Variants in COBL observed in about 807,000 individuals in gnomAD.
The protein encoded by COBL is protein cordon-bleu.
In COBL, 51 loss-of-function variants were observed where a neutral mutation model predicts 98.8. That is an observed-to-expected ratio of 0.52 (90% CI 0.41 to 0.65). The LOEUF (loss-of-function observed/expected upper bound fraction) is 0.65. Among genes scored for constraint, COBL ranks in the 30% least tolerant of loss-of-function variants. The pLI is 0.00. For missense variants in COBL, 1,617 were observed against 1,617.5 expected, an observed-to-expected ratio of 1.00 and a Z score of 0.01; for synonymous variants, 634 against 651.7, an observed-to-expected ratio of 0.97 and a Z score of 0.41.
At position 51,042,213 on chromosome 7, in the gene COBL, A is replaced by G. The variant is rs1245091032; in HGVS notation, c.1406+1170T>C. 2.0e-5 allele frequency among the ~76,000 whole-genome samples: 3 copies of G among 152,206 alleles called. No individual in the cohort carries two copies. In the East Asian group the frequency reaches 5.8e-4, roughly 29 times the overall value. The stretch of plus-strand genomic sequence containing the variant: ...ACATCTGAGAGAAAAAGGAAAAATT[A>G]AATAATATTAGAATGTAAAGACAAT... On this transcript the variant is annotated intron_variant, in intron 8 of 12. Coordinates refer to ENST00000265136, the MANE Select transcript of COBL (RefSeq NM_015198.5).
chr7:51,078,085 C>T (rs1793260641), intron 7 of COBL, among the ~76,000 whole-genome samples: 1 of 152,164 alleles, frequency 6.6e-6, no homozygotes. Context: ...AACAGAACTC[C>T]AGTATTGACC....
At chr7:51,225,957 A>G (rs1794138845) in intron 1 of COBL, among the ~76,000 whole-genome samples, 1 of 152,184 alleles carries the variant, frequency 6.6e-6, no homozygotes, top group African/African-American at 2.4e-5. Flanking sequence ...GTAGACAGGG[A>G]CTGCATGCTG....
intron 1 of COBL, among the ~76,000 whole-genome samples, chr7:51,265,262 C>G (rs549016921): frequency 6.6e-6 from 1 of 152,170 alleles, no homozygotes; most frequent in African/African-American, 2.4e-5. Context: ...TTTTAAAGAC[C>G]TGGGAAAGCA....
At chr7:51,258,841 TAC>T (rs1431439836) in intron 1 of COBL, among the ~76,000 whole-genome samples, 2 of 152,174 alleles carry the variant, frequency 1.3e-5, no homozygotes, top group African/African-American at 4.8e-5. Context: ...ACCACAGCAA[TAC>T]AGTTTTTAGT....
intron 1 of COBL, chr7:51,316,389 AC>A (rs1398492854): frequency 1.7e-5 from 6 of 347,904 alleles, no homozygotes; most frequent in Non-Finnish European, 3.0e-5. Context: ...CTGGGCAACG[AC>A]CCGGGTGCCC....
At chr7:51,144,504 G>C (rs2129014919) in intron 5 of COBL, among the ~76,000 whole-genome samples, 1 of 152,272 alleles carries the variant, frequency 6.6e-6, no homozygotes, top group South Asian at 2.1e-4. Context: ...TCAAGCATTG[G>C]CTGTTTTCCT....
chr7:51,303,404 A>G (rs1271236568), intron 1 of COBL, among the ~76,000 whole-genome samples: 1 of 152,096 alleles, frequency 6.6e-6, no homozygotes, highest in Non-Finnish European at 1.5e-5. Flanking sequence ...ATACAAAACC[A>G]GCAATCCGGT....
chr7:51,079,805 C>T lies in COBL; in HGVS notation c.1096+5361G>A, dbSNP rs143904574. On this transcript the variant is annotated intron_variant, in intron 7 of 12. Coordinates refer to ENST00000265136, the MANE Select transcript of COBL (RefSeq NM_015198.5). ...GTGGCCTCTTAGAGCCACATACACC[C>T]GGGGAAGGTGGTTGCTCCACCTCTT... 5.5e-3 allele frequency among the ~76,000 whole-genome samples: 844 copies of T among 152,306 alleles called. 4 individuals carry two copies. Among genetic ancestry groups the T allele is most frequent in the African/African-American group, 0.015 (606 of 41,574 alleles).
intron 6 of COBL, among the ~76,000 whole-genome samples, chr7:51,116,684 A>G (rs934629104): frequency 1.3e-5 from 2 of 152,084 alleles, no homozygotes; most frequent in Non-Finnish European, 2.9e-5. Flanking sequence ...TAAGAGTCCA[A>G]GTTTCCATCT....
chr7:51,061,483 T>C (rs1365431788), intron 7 of COBL, among the ~76,000 whole-genome samples: 3 of 152,076 alleles, frequency 2.0e-5, no homozygotes, highest in East Asian at 1.9e-4. Context: ...CCAGTTGGAA[T>C]TGTGACCTTG....
At chr7:51,066,529 G>A (rs1431143777) in intron 7 of COBL, among the ~76,000 whole-genome samples, 1 of 152,182 alleles carries the variant, frequency 6.6e-6, no homozygotes, top group Non-Finnish European at 1.5e-5. Context: ...GCTTTTGGTT[G>A]CAGACAAGTT....
At chr7:51,178,241 A>G (rs1788602587) in intron 5 of COBL, among the ~76,000 whole-genome samples, 1 of 152,136 alleles carries the variant, frequency 6.6e-6, no homozygotes, top group Non-Finnish European at 1.5e-5. Context: ...ACAATTTTGC[A>G]TGGCTTAAAG....
intron 1 of COBL, among the ~76,000 whole-genome samples, chr7:51,301,748 A>C (rs1801988286): frequency 6.6e-6 from 1 of 152,120 alleles, no homozygotes; most frequent in African/African-American, 2.4e-5. Context: ...CCAGGCATCT[A>C]AGCCATCTGC....
At chr7:51,191,373 C>T (rs1179237248) in intron 3 of COBL, among the ~76,000 whole-genome samples, 4 of 151,884 alleles carry the variant, frequency 2.6e-5, no homozygotes, top group Non-Finnish European at 5.9e-5. Context: ...TACTGTCTTC[C>T]AAGGGTTCTG....
chr7:51,271,185 C>T (rs112004164), intron 1 of COBL, among the ~76,000 whole-genome samples: 3 of 152,150 alleles, frequency 2.0e-5, no homozygotes, highest in African/African-American at 7.2e-5. Flanking sequence ...GGCAGGGTTG[C>T]GTCGTCACCA....
At chr7:51,200,771 C>A (rs1277747264) in intron 2 of COBL, among the ~76,000 whole-genome samples, 2 of 152,030 alleles carry the variant, frequency 1.3e-5, no homozygotes, top group Non-Finnish European at 2.9e-5. Context: ...TAAGTCCTTA[C>A]CTATTAATAA....
chr7:51,153,897 G>A (rs749087479), intron 5 of COBL, among the ~76,000 whole-genome samples: 5 of 152,090 alleles, frequency 3.3e-5, no homozygotes, highest in South Asian at 4.2e-4. Flanking sequence ...TTAAGTTCTC[G>A]CCAATAAAAT....
chr7:51,150,755 G>A (rs2129021303), intron 5 of COBL, among the ~76,000 whole-genome samples: 1 of 152,294 alleles, frequency 6.6e-6, no homozygotes, highest in African/African-American at 2.4e-5. Flanking sequence ...AGATTGGGCA[G>A]AGACCACAGG....
intron 5 of COBL, among the ~76,000 whole-genome samples, chr7:51,144,472 T>A (rs2129014855): frequency 6.6e-6 from 1 of 152,332 alleles, no homozygotes; most frequent in South Asian, 2.1e-4. Flanking sequence ...AATCCAAGCA[T>A]ATCCGAAACC....
Sources: allele counts gnomAD v4.1 joint callset (sites outside exome capture counted in the v4.1 genomes callset), GRCh38; gene constraint gnomAD v4.1.1; transcripts MANE v1.5; gene names NCBI Gene and HGNC (gene_info 2026-07-23, HGNC 2026-07-21).